The following PARD3 variants were observed in gnomAD, a reference collection of about 807,000 sequenced individuals.
PARD3 encodes the protein par-3 family cell polarity regulator.
Under a neutral mutation model 155.4 loss-of-function variants are expected in PARD3, and 75 were observed. That is an observed-to-expected ratio of 0.48 (90% CI 0.40 to 0.58). The LOEUF (loss-of-function observed/expected upper bound fraction) is 0.58. Ranked by LOEUF, PARD3 falls within the 20% of genes least tolerant of loss-of-function variation. The probability of loss-of-function intolerance (pLI) is 0.00; values close to 1 mark genes in which losing one functional copy is unlikely to be tolerated. For synonymous variants in PARD3, 576 were observed against 610.5 expected (o/e 0.94, Z 0.83); for missense variants, 1,642 against 1,721.7 (o/e 0.95, Z 0.82).
intron 2 of PARD3, 111 bp from the exon 3 acceptor site, chr10:34,517,270 C>T (rs1259551285): frequency 1.1e-6 from 1 of 904,408 alleles, no homozygotes; most frequent in African/African-American, 1.7e-5. Context: ...ATATAAATGA[C>T]CCTAGAATGG....
chr10:34,484,161 G>A (rs1251160259), intron 3 of PARD3, among the ~76,000 whole-genome samples: 1 of 152,140 alleles, frequency 6.6e-6, no homozygotes, highest in Non-Finnish European at 1.5e-5. Context: ...AGAGCAAGAA[G>A]GCAGTTTCCC....
chr10:34,684,532 C>T (rs985911262), intron 2 of PARD3, among the ~76,000 whole-genome samples: 1 of 152,058 alleles, frequency 6.6e-6, no homozygotes, highest in Non-Finnish European at 1.5e-5. Context: ...GAATGCCCCA[C>T]CATCTCCACC....
chr10:34,748,645 TC>T (rs916815000), intron 1 of PARD3, among the ~76,000 whole-genome samples: 6 of 150,898 alleles, frequency 4.0e-5, no homozygotes, highest in South Asian at 2.1e-4. Context: ...AGTAGCAGCA[TC>T]CCCCCCTGCT....
intron 1 of PARD3, among the ~76,000 whole-genome samples, chr10:34,785,450 T>G (rs1359899188): frequency 6.6e-6 from 1 of 152,034 alleles, no homozygotes. Flanking sequence ...TTTTTTTTTT[T>G]AGAAAGAAAA....
rs912566519 is a variant in PARD3, at chr10:34,332,108, C to T, written c.2606-764G>A. Among the ~76,000 whole-genome samples, 11 of 152,216 alleles carry T rather than the reference C, an allele frequency of 7.2e-5. No individual in the cohort carries two copies. The South Asian group carries it at 2.1e-3, about 29-fold the overall frequency. ...AAACAGGTGATGGACAGAAGAAAGA[C>T]GACTTAGCAATTAACCAGAACATTT... On this transcript the variant is annotated intron_variant, in intron 18 of 24. Transcript: ENST00000374788.
At chr10:34,220,248 A>T (rs920541236) in intron 22 of PARD3, among the ~76,000 whole-genome samples, 2 of 152,216 alleles carry the variant, frequency 1.3e-5, no homozygotes, top group South Asian at 4.1e-4. Flanking sequence ...ATATTCAACC[A>T]CAAGGGAACC....
intron 21 of PARD3, among the ~76,000 whole-genome samples, chr10:34,276,679 C>T (rs1955897860): frequency 6.6e-6 from 1 of 152,082 alleles, no homozygotes; most frequent in African/African-American, 2.4e-5. Context: ...GACCAAACTC[C>T]TTAGGATGGA....
chr10:34,327,881 T>C (rs16935319), intron 19 of PARD3, among the ~76,000 whole-genome samples: 9,383 of 151,232 alleles, frequency 0.062, 949 homozygotes, highest in African/African-American at 0.22. Flanking sequence ...GCACAGACAA[T>C]AGAAGATGTT....
rs969404108 is a variant in PARD3 at position 34,109,574 on chromosome 10, A to G, written c.*1595T>C. On this transcript the variant is annotated 3_prime_UTR_variant, in exon 25 of 25. Coordinates refer to ENST00000374788, the MANE Select transcript of PARD3 (RefSeq NM_001184785.2). ...AGACACCAAAAGAACAGGAAGAAAT[A>G]TGCCTTTTATTAGGAGTTGCATATG... 1 of 152,096 alleles carries G rather than the reference A, an allele frequency of 6.6e-6. No homozygotes were observed. Among genetic ancestry groups the G allele is most frequent in the Non-Finnish European group, 1.5e-5 (1 of 68,026 alleles). 9.4% of individuals were successfully genotyped at this position (152,096 alleles called of 1,614,324 possible). A position where few individuals can be genotyped will look rare whatever the true frequency, so the allele number is the denominator to read the frequency against.
At chr10:34,154,579 T>C (rs868769895) in intron 22 of PARD3, among the ~76,000 whole-genome samples, 1 of 152,204 alleles carries the variant, frequency 6.6e-6, no homozygotes, top group Admixed American at 6.5e-5. Flanking sequence ...GTAATTCCAA[T>C]TGCTGAATAT....
chr10:34,337,463 T>C (rs1564601343), intron 16 of PARD3, 37 bp from the exon 17 acceptor site: 2 of 1,428,536 alleles, frequency 1.4e-6, no homozygotes, highest in Non-Finnish European at 1.9e-6. Flanking sequence ...AAATATTTAC[T>C]AAAAATAGCA....
At chr10:34,504,400 G>GGCTGA (rs1405802617) in intron 3 of PARD3, among the ~76,000 whole-genome samples, 1 of 148,562 alleles carries the variant, frequency 6.7e-6, no homozygotes, top group African/African-American at 2.5e-5. Flanking sequence ...TGAGATTACA[G>GGCTGA]GCTGAGCCAA....
Position 34,450,415 on chromosome 10 carries a change from T to A in PARD3, c.616A>T (p.Thr206Ser). 3 of 1,613,814 alleles carry A rather than the reference T, an allele frequency of 1.9e-6. No individual in the cohort carries two copies. Among genetic ancestry groups the A allele is most frequent in the Admixed American group, 1.7e-5 (1 of 59,986 alleles). The change falls in exon 5 of 25, where the codon ACT becomes TCT. Residue 206 changes from threonine (T) to serine (S), a missense_variant. By Grantham distance (58) the Thr-to-Ser change is moderately conservative. Around this residue, in one of 3 missense-constraint regions of PARD3, gnomAD observed 1,529 missense variants for 1,587.3 expected, o/e 0.96. Coordinates refer to ENST00000374788, the MANE Select transcript of PARD3 (RefSeq NM_001184785.2). ...DENYRSLPRD[T>S]SNWSNQFQRD... ...TGAAATTGGTTAGACCAGTTACTAG[T>A]ATCCCGCGGGAGGCTTCTGTAGTTT...
intron 22 of PARD3, among the ~76,000 whole-genome samples, chr10:34,204,894 C>T (rs1951396959): frequency 6.6e-6 from 1 of 152,106 alleles, no homozygotes; most frequent in African/African-American, 2.4e-5. Context: ...ATTACAAGTC[C>T]ATTAATTTTT....
intron 2 of PARD3, among the ~76,000 whole-genome samples, chr10:34,653,112 T>A (rs530468844): frequency 3.9e-4 from 59 of 152,178 alleles, no homozygotes; most frequent in African/African-American, 1.1e-3. Flanking sequence ...ATGAGAAAGG[T>A]TTGGAGGGTC....
intron 20 of PARD3, among the ~76,000 whole-genome samples, chr10:34,307,458 C>G (rs1957469127): frequency 6.6e-6 from 1 of 152,110 alleles, no homozygotes; most frequent in Non-Finnish European, 1.5e-5. Context: ...CAGGAATCCC[C>G]AGGGTTGTTA....
At chr10:34,131,731 G>A (rs1281830450) in intron 22 of PARD3, 148 bp from the exon 23 acceptor site, 4 of 676,384 alleles carry the variant, frequency 5.9e-6, no homozygotes, top group Non-Finnish European at 1.0e-5. Flanking sequence ...TTTAAAATAT[G>A]TTTTCATTTT....
At chr10:34,329,781 G>A (rs1328854691) in intron 19 of PARD3, among the ~76,000 whole-genome samples, 1 of 152,166 alleles carries the variant, frequency 6.6e-6, no homozygotes, top group Non-Finnish European at 1.5e-5. Context: ...AGAATCAGGT[G>A]GAGGTGGAGA....
chr10:34,542,208 T>TGC (rs2083665479), intron 2 of PARD3, among the ~76,000 whole-genome samples: 1 of 3,916 alleles, frequency 2.6e-4, no homozygotes, highest in African/African-American at 3.1e-4. Context: ...TTGGGGTGTG[T>TGC]GTGTGTGTGT....
Sources: gnomAD v4.1 joint callset for allele counts (sites outside exome capture counted in the v4.1 genomes callset) on GRCh38, gnomAD v4.1.1 for gene constraint, gnomAD v4.1.1 regional missense constraint, MANE v1.5 for transcripts, NCBI Gene and HGNC (gene_info 2026-07-23, HGNC 2026-07-21) for gene names.